The following FSHR variants were observed in gnomAD, a reference collection of about 807,000 sequenced individuals.
FSHR encodes follicle-stimulating hormone receptor.
FSHR carries 46 observed loss-of-function variants against 52.1 expected under a neutral mutation model. The observed-to-expected ratio is 0.88, with a 90% CI of 0.70 to 1.13. The LOEUF (loss-of-function observed/expected upper bound fraction) is 1.13, where lower values mean the gene tolerates loss of function less well. FSHR is among the 50% of genes most tolerant of loss of function. The pLI is 0.00. For synonymous variants in FSHR, 399 were observed against 309.6 expected (o/e 1.29, Z -3.03); for missense variants, 964 against 834.6 (o/e 1.16, Z -1.91).
chr2:49,094,814 G>A (rs1054454902), intron 1 of FSHR, among the ~76,000 whole-genome samples: 2 of 151,796 alleles, frequency 1.3e-5, no homozygotes, highest in Non-Finnish European at 2.9e-5. Context: ...ATAAAATAGA[G>A]AATAGAAAAA....
At chr2:49,058,330 C>T (rs1312684876) in intron 2 of FSHR, among the ~76,000 whole-genome samples, 4 of 152,076 alleles carry the variant, frequency 2.6e-5, no homozygotes, top group Non-Finnish European at 5.9e-5. Context: ...AGGTGGATCA[C>T]GAGGTCAGGA....
intron 1 of FSHR, among the ~76,000 whole-genome samples, chr2:49,100,380 C>G (rs887856982): frequency 1.3e-5 from 2 of 152,158 alleles, no homozygotes; most frequent in African/African-American, 2.4e-5. Flanking sequence ...ACAGTACTTT[C>G]TCCTTTGATT....
At chr2:49,009,872 G>C (rs1667207715) in intron 4 of FSHR, among the ~76,000 whole-genome samples, 2 of 136,802 alleles carry the variant, frequency 1.5e-5, no homozygotes, top group Non-Finnish European at 3.2e-5. Context: ...TTTGTACGTT[G>C]ATTTTGTATC....
At chr2:49,086,286 C>A (rs984768021) in intron 1 of FSHR, among the ~76,000 whole-genome samples, 4 of 152,102 alleles carry the variant, frequency 2.6e-5, no homozygotes, top group Admixed American at 2.0e-4. Context: ...TGTGAGAGTT[C>A]ATCTAAAATT....
At chr2:49,140,206 T>C (rs1672629457) in intron 1 of FSHR, among the ~76,000 whole-genome samples, 1 of 152,064 alleles carries the variant, frequency 6.6e-6, no homozygotes, top group African/African-American at 2.4e-5. Flanking sequence ...GTCATGGGGG[T>C]GGATCCCTCA....
intron 2 of FSHR, among the ~76,000 whole-genome samples, chr2:49,048,217 G>A (rs1157671452): frequency 6.6e-6 from 1 of 151,780 alleles, no homozygotes; most frequent in Non-Finnish European, 1.5e-5. Flanking sequence ...ATTTTTATAT[G>A]TCAATCATAC....
chr2:49,038,653 T>A (rs10169885), intron 2 of FSHR, among the ~76,000 whole-genome samples: 29,183 of 119,898 alleles, frequency 0.24, 5,592 homozygotes, highest in Non-Finnish European at 0.32. Flanking sequence ...ATAATAATAA[T>A]AATAATAATA....
At chr2:49,025,366 G>A (rs1263554654) in intron 2 of FSHR, among the ~76,000 whole-genome samples, 1 of 151,994 alleles carries the variant, frequency 6.6e-6, no homozygotes, top group Non-Finnish European at 1.5e-5. Context: ...TTCCTTAACT[G>A]GTGCTATCTG....
intron 1 of FSHR, among the ~76,000 whole-genome samples, chr2:49,138,942 G>A (rs1269866842): frequency 6.6e-6 from 1 of 152,106 alleles, no homozygotes; most frequent in Non-Finnish European, 1.5e-5. Context: ...TGGGTGTGTG[G>A]GGTATGAGAT....
At position 49,009,715 on chromosome 2, in the gene FSHR, T is replaced by G. The variant is rs1478458748; in HGVS notation, c.374+7774A>C. ...TCTTTTATTTCCTTGAGCAGTGGTT[T>G]GTAGTTCTCCTTGAAGAGGTCCTTC... On this transcript the variant is annotated intron_variant, in intron 4 of 9. Coordinates refer to ENST00000406846, the MANE Select transcript of FSHR (RefSeq NM_000145.4). Among the ~76,000 whole-genome samples, 3 of 147,740 alleles carry G rather than the reference T, an allele frequency of 2.0e-5. No homozygotes were observed. In the Admixed American group the frequency reaches 2.1e-4, roughly 10 times the overall value.
At chr2:49,080,954 G>A (rs1369225829) in intron 1 of FSHR, among the ~76,000 whole-genome samples, 8 of 152,128 alleles carry the variant, frequency 5.3e-5, no homozygotes, top group African/African-American at 9.7e-5. Flanking sequence ...AGAGTTTGCC[G>A]AGAAGTTATT....
At chr2:49,150,680 A>C (rs1232999204) in intron 1 of FSHR, among the ~76,000 whole-genome samples, 1 of 151,892 alleles carries the variant, frequency 6.6e-6, no homozygotes, top group Non-Finnish European at 1.5e-5. Context: ...ACCATCTCTG[A>C]CTCATCAGAA....
rs1197242816 is a variant in FSHR, at chr2:48,963,734, TG to T, written c.1086del (p.Tyr362Ter). Reference sequence around the variant, plus strand: ...AACCATATCAGGACTCTGAGGATGTTGTACCCCATGATATCTTCACATGGGT... The same window carrying T: ...AACCATATCAGGACTCTGAGGATGTTTACCCCATGATATCTTCACATGGGT... ...AFNPCEDIMG[Y>X]NILRVLIWFI... On this transcript the variant is annotated frameshift_variant, in exon 10 of 10. Coordinates refer to ENST00000406846, the MANE Select transcript of FSHR (RefSeq NM_000145.4). LOFTEE classifies it high-confidence loss of function. 2 of 1,614,058 alleles carry T rather than the reference TG, an allele frequency of 1.2e-6. No individual in the cohort carries two copies. The highest frequency in any genetic ancestry group is 2.7e-5 in the African/African-American group (2 of 74,928).
At chr2:48,970,014 T>G (rs1386414132) in intron 8 of FSHR, among the ~76,000 whole-genome samples, 1 of 152,162 alleles carries the variant, frequency 6.6e-6, no homozygotes, top group Non-Finnish European at 1.5e-5. Context: ...TGGGGACCCT[T>G]GGATATACTT....
At chr2:48,990,209 T>A (rs779711116) in intron 5 of FSHR, among the ~76,000 whole-genome samples, 1 of 152,040 alleles carries the variant, frequency 6.6e-6, no homozygotes, top group African/African-American at 2.4e-5. Context: ...CAGGGCAGCA[T>A]AGCAATTCTA....
chr2:49,019,875 C>T (rs1667627104), intron 3 of FSHR, among the ~76,000 whole-genome samples: 1 of 152,162 alleles, frequency 6.6e-6, no homozygotes, highest in Admixed American at 6.5e-5. Flanking sequence ...TGATGACAGG[C>T]AGGCAACAGG....
At chr2:49,038,646 AT>A (rs56145032) in intron 2 of FSHR, among the ~76,000 whole-genome samples, 2 of 143,228 alleles carry the variant, frequency 1.4e-5, no homozygotes, top group African/African-American at 5.2e-5. Context: ...AATAATAATA[AT>A]AATAATAATA....
chr2:49,036,646 G>C (rs1171697981), intron 2 of FSHR, among the ~76,000 whole-genome samples: 1 of 152,058 alleles, frequency 6.6e-6, no homozygotes, highest in Non-Finnish European at 1.5e-5. Flanking sequence ...TCTTTGTCTA[G>C]ATGCTCAGTA....
At chr2:48,982,008 C>T (rs2104062090) in intron 8 of FSHR, among the ~76,000 whole-genome samples, 1 of 152,304 alleles carries the variant, frequency 6.6e-6, no homozygotes, top group African/African-American at 2.4e-5. Context: ...TCATTCTCTC[C>T]TTTTGGGTTC....
Sources: allele counts gnomAD v4.1 joint callset (sites outside exome capture counted in the v4.1 genomes callset), GRCh38; gene constraint gnomAD v4.1.1; transcripts MANE v1.5; gene names NCBI Gene and HGNC (gene_info 2026-07-23, HGNC 2026-07-21).